Variants in CPS1 observed in about 807,000 individuals in gnomAD.
CPS1 encodes carbamoyl-phosphate synthase 1.
Under a neutral mutation model 174.6 loss-of-function variants are expected in CPS1, and 109 were observed. The ratio of observed to expected loss-of-function variants is 0.62; its 90% CI spans 0.53 to 0.73. The LOEUF (loss-of-function observed/expected upper bound fraction) is 0.73. Ranked by LOEUF, CPS1 falls within the 30% of genes least tolerant of loss-of-function variation. CPS1 has a pLI of 0.00. For synonymous variants in CPS1, 637 were observed against 632.0 expected (o/e 1.01, Z -0.12); for missense variants, 1,689 against 1,821.9 (o/e 0.93, Z 1.33).
intron 1 of CPS1, among the ~76,000 whole-genome samples, chr2:210,497,638 T>C (rs548520246): frequency 2.0e-5 from 3 of 152,128 alleles, no homozygotes; most frequent in Admixed American, 6.5e-5. Flanking sequence ...GGCAAGAACA[T>C]GCAGTATTTG....
chr2:210,580,930 A>G (rs913878827), intron 5 of CPS1, among the ~76,000 whole-genome samples: 1 of 151,864 alleles, frequency 6.6e-6, no homozygotes, highest in Admixed American at 6.6e-5. Context: ...TCTTGTTAGG[A>G]TATATACATA....
At chr2:210,617,427 T>G (rs978458020) in intron 21 of CPS1, 3 of 152,030 alleles carry the variant, frequency 2.0e-5, no homozygotes, top group Non-Finnish European at 4.4e-5. Context: ...TCAAATGATT[T>G]GACAAAATGT....
chr2:210,620,141 A>G (rs779968933), intron 21 of CPS1, among the ~76,000 whole-genome samples: 1 of 152,122 alleles, frequency 6.6e-6, no homozygotes, highest in Non-Finnish European at 1.5e-5. Context: ...TAAACAATAA[A>G]TGTGCTTATT....
chr2:210,573,445 G>T, intron 2 of CPS1, 38 bp downstream of exon 2: 1 of 1,440,908 alleles, frequency 6.9e-7, no homozygotes, highest in Non-Finnish European at 9.8e-7. Context: ...TTTTCCTCTA[G>T]TAGAGAAATA....
chr2:210,556,908 T>G (rs1245361349), intron 1 of CPS1, 49 bp downstream of exon 1: 3 of 1,601,002 alleles, frequency 1.9e-6, no homozygotes, highest in Admixed American at 1.7e-5. Flanking sequence ...GGGTATAGTT[T>G]AGCAGTGAAG....
chr2:210,598,552 G>A (rs1348555512), intron 13 of CPS1, among the ~76,000 whole-genome samples: 2 of 151,618 alleles, frequency 1.3e-5, no homozygotes, highest in African/African-American at 2.4e-5. Flanking sequence ...AAAAAAAAGG[G>A]GATACAATCC....
chr2:210,535,112 A>G (rs1696212464), intron 1 of CPS1, among the ~76,000 whole-genome samples: 1 of 152,202 alleles, frequency 6.6e-6, no homozygotes, highest in South Asian at 2.1e-4. Context: ...GGGATGCTCA[A>G]GAACTCATGG....
At position 210,587,972 on chromosome 2, in the gene CPS1, C is replaced by G. The variant is rs963633992; in HGVS notation, c.622-86C>G. ...AATCAATCTGTTACCAATCTAAGTTCAAAACATTGTCAGATGTGTTTATGA... is the reference window on the plus strand; with the variant it reads ...AATCAATCTGTTACCAATCTAAGTTGAAAACATTGTCAGATGTGTTTATGA... On this transcript the variant is annotated intron_variant, in intron 6 of 37. Transcript: ENST00000233072. 10 of 1,175,130 alleles carry G rather than the reference C, an allele frequency of 8.5e-6. No homozygotes were observed. In the Admixed American group the frequency reaches 1.5e-4, roughly 18 times the overall value. The allele number at this position is 1,175,130 out of a possible 1,614,324, so 72.8% of individuals were successfully genotyped here.
intron 1 of CPS1, among the ~76,000 whole-genome samples, chr2:210,484,310 A>T (rs1477323556): frequency 6.6e-6 from 1 of 152,190 alleles, no homozygotes; most frequent in East Asian, 1.9e-4. Context: ...GCCCAGCTGG[A>T]GCACAGAGAG....
intron 16 of CPS1, 114 bp from the exon 17 acceptor site, chr2:210,604,988 G>A (rs544742499): frequency 2.0e-5 from 22 of 1,125,760 alleles, no homozygotes; most frequent in African/African-American, 6.2e-5. Flanking sequence ...GAATGGAGAC[G>A]GGGTTTGAGA....
At chr2:210,610,713 C>T (rs929282542) in intron 19 of CPS1, among the ~76,000 whole-genome samples, 7 of 151,692 alleles carry the variant, frequency 4.6e-5, no homozygotes, top group South Asian at 2.1e-4. Context: ...CCTATAGTGC[C>T]GCTACACTCC....
intron 1 of CPS1, among the ~76,000 whole-genome samples, chr2:210,571,855 T>G (rs894039698): frequency 1.4e-5 from 2 of 139,740 alleles, no homozygotes; most frequent in East Asian, 2.2e-4. Context: ...CTACTAAAGT[T>G]TGTGTGTGTG....
chr2:210,596,714 G>A (rs975553780), intron 13 of CPS1, among the ~76,000 whole-genome samples: 1 of 151,908 alleles, frequency 6.6e-6, no homozygotes, highest in Non-Finnish European at 1.5e-5. Context: ...AGATTAGTTA[G>A]TACACAATCT....
intron 28 of CPS1, among the ~76,000 whole-genome samples, chr2:210,653,507 T>C (rs1700618321): frequency 6.6e-6 from 1 of 152,096 alleles, no homozygotes; most frequent in Admixed American, 6.5e-5. Flanking sequence ...CAACTCGAGG[T>C]AAAGGATTTC....
intron 6 of CPS1, among the ~76,000 whole-genome samples, chr2:210,586,663 A>G (rs945378161): frequency 6.6e-6 from 1 of 152,088 alleles, no homozygotes; most frequent in Non-Finnish European, 1.5e-5. Context: ...TATGGACAGT[A>G]TTTAATGTGT....
chr2:210,513,104 G>A lies in CPS1; in HGVS notation c.3+35338G>A, dbSNP rs115945693. Among the ~76,000 whole-genome samples, 146 of 20,364 alleles carry A rather than the reference G, an allele frequency of 7.2e-3. 7 individuals are homozygous for A. Among genetic ancestry groups the A allele is most frequent in the East Asian group, 0.04 (32 of 802 alleles). The allele number at this position is 20,364 out of a possible 152,430, so 13.4% of individuals were successfully genotyped here. ...TATATATGGAGATACATATATATGG[G>A]GATATATATATGGAGATATATATAT... On this transcript the variant is annotated intron_variant, in intron 1 of 38. Transcript: ENST00000430249.
chr2:210,654,002 TC>T (rs1700633738), intron 28 of CPS1, 22 bp from the exon 29 acceptor site: 1 of 1,602,024 alleles, frequency 6.2e-7, no homozygotes, highest in African/African-American at 1.3e-5. Flanking sequence ...AATGTTCGGC[TC>T]CTCTGTTTTC....
chr2:210,654,698 C>G (rs1220575171), intron 29 of CPS1, among the ~76,000 whole-genome samples: 1 of 152,146 alleles, frequency 6.6e-6, no homozygotes, highest in Non-Finnish European at 1.5e-5. Flanking sequence ...TTTGTGACTT[C>G]TCTTAAAATG....
chr2:210,641,081 G>A (rs1700209077), intron 24 of CPS1, among the ~76,000 whole-genome samples: 2 of 152,030 alleles, frequency 1.3e-5, no homozygotes, highest in African/African-American at 4.8e-5. Context: ...ATGGCAGAAG[G>A]CACAACAGCA....
Sources: gnomAD v4.1 joint callset for allele counts (sites outside exome capture counted in the v4.1 genomes callset) on GRCh38, gnomAD v4.1.1 for gene constraint, MANE v1.5 for transcripts, NCBI Gene and HGNC (gene_info 2026-07-23, HGNC 2026-07-21) for gene names.